DOCK11: variants seen among roughly 807,000 people sequenced by gnomAD.
DOCK11 encodes dedicator of cytokinesis 11.
In DOCK11, 70 loss-of-function variants were observed where a neutral mutation model predicts 169.1. That is an observed-to-expected ratio of 0.41 (90% CI 0.34 to 0.51). DOCK11 has a LOEUF of 0.51. DOCK11 is among the 20% of genes least tolerant of loss of function. DOCK11 has a pLI of 0.10. For synonymous variants in DOCK11, 529 were observed against 541.3 expected, an observed-to-expected ratio of 0.98 and a Z score of 0.32; for missense variants, 1,166 against 1,538.8, an observed-to-expected ratio of 0.76 and a Z score of 4.05.
At chrX:118,537,577 T>C (rs903900781) in intron 1 of DOCK11, among the ~76,000 whole-genome samples, 3 of 112,266 alleles carry the variant, frequency 2.7e-5, no homozygotes, top group African/African-American at 9.7e-5. Context: ...CAAATGTGCT[T>C]TTGGATACAT....
rs1182928570 is a variant in DOCK11 at position 118,584,820 on chromosome X, A to G, written c.1681A>G (p.Ser561Gly). Residue 561 changes from serine (S) to glycine (G), a missense_variant, in exon 15 of 53, where the codon AGT becomes GGT. Ser to Gly is a moderately conservative substitution (Grantham distance 56). Coordinates refer to ENST00000276202, the MANE Select transcript of DOCK11 (RefSeq NM_144658.4). Reference sequence around the variant, plus strand: ...TAAACAAGACAGTAGCAAGCTTTCAAGTGAAGACATTCTCAAGTTGCTCTC... The same window carrying G: ...TAAACAAGACAGTAGCAAGCTTTCAGGTGAAGACATTCTCAAGTTGCTCTC... ...LYKQDSSKLS[S>G]EDILKLLSEY... The G allele has an allele frequency of 8.3e-7, 1 of 1,201,797 alleles. No individual in the cohort carries two copies. Among genetic ancestry groups the G allele is most frequent in the Admixed American group, 2.2e-5 (1 of 44,754 alleles).
At chrX:118,650,560 T>A (rs767690074) in intron 41 of DOCK11, among the ~76,000 whole-genome samples, 1 of 112,164 alleles carries the variant, frequency 8.9e-6, no homozygotes, top group Non-Finnish European at 1.9e-5. Context: ...ATACTGTGTA[T>A]GCTTCCTGTA....
At chrX:118,544,645 C>CTTTGTTTTTTTTTTTTTTTTT (rs2012173546) in intron 4 of DOCK11, among the ~76,000 whole-genome samples, 1 of 23,343 alleles carries the variant, frequency 4.3e-5, no homozygotes, top group African/African-American at 1.8e-4. Context: ...TACACTGTTG[C>CTTTGTTTTTTTTTTTTTTTTT]TTTTTTTTTT....
At chrX:118,590,388 C>A in intron 19 of DOCK11, 86 bp downstream of exon 19, 1 of 749,371 alleles carries the variant, frequency 1.3e-6, no homozygotes, top group Non-Finnish European at 2.0e-6. Context: ...TTTACCAGCA[C>A]TTTCAATCCC....
chrX:118,567,691 C>T (rs2013125300), intron 9 of DOCK11, among the ~76,000 whole-genome samples: 2 of 111,181 alleles, frequency 1.8e-5, no homozygotes, highest in Non-Finnish European at 3.8e-5. Context: ...CTTCGGCCTC[C>T]CAAAGTGCTG....
At chrX:118,534,442 T>G (rs1319041318) in intron 1 of DOCK11, among the ~76,000 whole-genome samples, 1 of 112,274 alleles carries the variant, frequency 8.9e-6, no homozygotes, top group Non-Finnish European at 1.9e-5. Context: ...AGCTCTTGAG[T>G]TTTTGTAAAT....
chrX:118,528,498 G>A (rs1175616429), intron 1 of DOCK11, among the ~76,000 whole-genome samples: 1 of 111,450 alleles, frequency 9.0e-6, no homozygotes, highest in Non-Finnish European at 1.9e-5. Context: ...GCTGGAGAAT[G>A]TACAGGAGAA....
intron 6 of DOCK11, among the ~76,000 whole-genome samples, chrX:118,555,240 G>C (rs2012641373): frequency 9.0e-6 from 1 of 111,635 alleles, no homozygotes; most frequent in Admixed American, 9.5e-5. Context: ...CAGTTTCTCA[G>C]TGGGTAGGAG....
At chrX:118,512,017 A>G (rs1424714873) in intron 1 of DOCK11, among the ~76,000 whole-genome samples, 2 of 112,110 alleles carry the variant, frequency 1.8e-5, no homozygotes, top group Non-Finnish European at 3.8e-5. Flanking sequence ...GGGTTCAAGC[A>G]ATTCTCCTGC....
intron 35 of DOCK11, among the ~76,000 whole-genome samples, chrX:118,630,715 G>T (rs1176994731): frequency 8.9e-6 from 1 of 112,396 alleles, no homozygotes; most frequent in African/African-American, 3.2e-5. Context: ...ACATAATTTT[G>T]CAAATGAATT....
intron 12 of DOCK11, among the ~76,000 whole-genome samples, chrX:118,576,471 T>C (rs2013450953): frequency 9.0e-6 from 1 of 111,633 alleles, no homozygotes. Flanking sequence ...CCAAAGAGTG[T>C]CCCCCATCAT....
At position 118,638,181 on chromosome X, in the gene DOCK11, C is replaced by T. The variant is rs1230127079; in HGVS notation, c.4001+54C>T. Reference sequence around the variant, plus strand: ...TTTTTCCTTCTCTTCCAACAGAGGGCAATCTTAGTCATGCCATGTAAAACC... The same window carrying T: ...TTTTTCCTTCTCTTCCAACAGAGGGTAATCTTAGTCATGCCATGTAAAACC... On this transcript the variant is annotated intron_variant, in intron 37 of 52. Coordinates refer to ENST00000276202, the MANE Select transcript of DOCK11 (RefSeq NM_144658.4). The T allele has an allele frequency of 9.2e-6, 10 of 1,086,267 alleles. No individual in the cohort carries two copies. The Admixed American group carries it at 2.1e-4, about 22-fold the overall frequency. 89.5% of individuals were successfully genotyped at this position (1,086,267 alleles called of 1,213,427 possible).
chrX:118,496,976 A>G (rs192165799), intron 1 of DOCK11, among the ~76,000 whole-genome samples: 1 of 112,396 alleles, frequency 8.9e-6, no homozygotes, highest in African/African-American at 3.2e-5. Flanking sequence ...GACTCTGGAG[A>G]AAGGCTAAAG....
chrX:118,581,959 G>A (rs779866665), intron 14 of DOCK11, among the ~76,000 whole-genome samples: 7 of 108,998 alleles, frequency 6.4e-5, no homozygotes, highest in East Asian at 5.8e-4. Context: ...GTGAAACCCC[G>A]TCTCTGCTAA....
chrX:118,612,486 A>G (rs1224790881), intron 28 of DOCK11, among the ~76,000 whole-genome samples: 1 of 112,302 alleles, frequency 8.9e-6, no homozygotes, highest in Non-Finnish European at 1.9e-5. Context: ...TATTTACTTA[A>G]TTCAAGTCAG....
chrX:118,612,383 T>C (rs2014705644), intron 28 of DOCK11, among the ~76,000 whole-genome samples: 1 of 111,982 alleles, frequency 8.9e-6, no homozygotes, highest in South Asian at 3.7e-4. Flanking sequence ...ACGAATTAGA[T>C]TATCTGAAAT....
chrX:118,561,205 TTCATTCACTATCTTAGAAAAA>T (rs1221345280), intron 6 of DOCK11, among the ~76,000 whole-genome samples, 157 bp from the exon 7 acceptor site: 1 of 112,076 alleles, frequency 8.9e-6, no homozygotes, highest in Non-Finnish European at 1.9e-5. Context: ...TCATGTGATT[TTCATTCACTATCTTAGAAAAA>T]TGAAGATAAT....
rs2015464283 is a variant in DOCK11, at chrX:118,639,291, A to C, written c.4002-144A>C. On this transcript the variant is annotated intron_variant, in intron 37 of 52. Transcript: ENST00000276202. ...TATTTTAAAGATACATTAAAACTTC[A>C]TCCAGTTTCTAGTGACACTTCATTT... 9 of 540,061 alleles carry C rather than the reference A, an allele frequency of 1.7e-5. No individual in the cohort carries two copies. The South Asian group carries it at 4.4e-4, about 26-fold the overall frequency. The allele number at this position is 540,061 out of a possible 1,213,427, so 44.5% of individuals were successfully genotyped here. A position where few individuals can be genotyped will look rare whatever the true frequency, so the allele number is the denominator to read the frequency against.
intron 13 of DOCK11, 49 bp downstream of exon 13, chrX:118,578,696 G>A (rs2013531418): frequency 8.9e-7 from 1 of 1,121,180 alleles, no homozygotes. Flanking sequence ...CGTAGAATTT[G>A]CCTTTTACTG....
Sources: allele counts gnomAD v4.1 joint callset (sites outside exome capture counted in the v4.1 genomes callset), GRCh38; gene constraint gnomAD v4.1.1; transcripts MANE v1.5; gene names NCBI Gene and HGNC (gene_info 2026-07-23, HGNC 2026-07-21).